Variants in MAP3K20 observed in about 807,000 individuals in gnomAD.
MAP3K20 encodes HCCS-4.
Under a neutral mutation model 85.7 loss-of-function variants are expected in MAP3K20, and 40 were observed. That is an observed-to-expected ratio of 0.47 (90% confidence interval 0.36 to 0.61). MAP3K20 has a LOEUF of 0.61. Ranked by LOEUF, MAP3K20 falls within the 20% of genes least tolerant of loss-of-function variation. MAP3K20 has a pLI of 0.00. For synonymous variants in MAP3K20, 325 were observed against 327.7 expected (o/e 0.99, Z 0.09); for missense variants, 817 against 961.7 (o/e 0.85, Z 1.99).
intron 7 of MAP3K20, among the ~76,000 whole-genome samples, chr2:173,196,986 C>T (rs1341297625): frequency 6.6e-6 from 1 of 151,738 alleles, no homozygotes; most frequent in African/African-American, 2.4e-5. Context: ...AAATAGTTAC[C>T]TCACCTATAA....
rs1275885564 is a variant in MAP3K20 at position 173,203,888 on chromosome 2, T to C, written c.744+18T>C. The C allele has an allele frequency of 3.1e-6, 5 of 1,608,334 alleles. No homozygotes were observed. The highest frequency in any genetic ancestry group is 4.3e-6 in the Non-Finnish European group (5 of 1,175,502). ...ATGCCAAGGTATACATATGTATTTT[T>C]GTTATTGTTTAGAATTCTGAAATTT... On this transcript the variant is annotated intron_variant, in intron 9 of 19. Coordinates refer to ENST00000375213, the MANE Select transcript of MAP3K20 (RefSeq NM_016653.3).
chr2:173,109,744 G>A (rs1051151249), intron 2 of MAP3K20, among the ~76,000 whole-genome samples: 1 of 152,056 alleles, frequency 6.6e-6, no homozygotes, highest in African/African-American at 2.4e-5. Flanking sequence ...AGGTAGAAGG[G>A]CCCGCTATTT....
At chr2:173,237,167 T>C (rs925158703) in intron 14 of MAP3K20, among the ~76,000 whole-genome samples, 1 of 151,788 alleles carries the variant, frequency 6.6e-6, no homozygotes, top group Non-Finnish European at 1.5e-5. Flanking sequence ...GCTGGAATTA[T>C]AGGCGCAGGC....
chr2:173,157,791 A>G (rs1004957581), intron 2 of MAP3K20, among the ~76,000 whole-genome samples: 1 of 152,188 alleles, frequency 6.6e-6, no homozygotes, highest in Non-Finnish European at 1.5e-5. Context: ...AGGGAGTTAG[A>G]TCTTGGTTCT....
At chr2:173,219,074 T>C (rs1684159611) in intron 11 of MAP3K20, among the ~76,000 whole-genome samples, 1 of 152,242 alleles carries the variant, frequency 6.6e-6, no homozygotes, top group African/African-American at 2.4e-5. Context: ...AGAGCTGGTA[T>C]TTCTGAAGGA....
At position 173,191,027 on chromosome 2, in the gene MAP3K20, C is replaced by G; in HGVS notation, c.445-13C>G. 6.2e-7 allele frequency: 1 copy of G among 1,613,128 alleles called. No individual in the cohort carries two copies. Among genetic ancestry groups the G allele is most frequent in the Non-Finnish European group, 8.5e-7 (1 of 1,179,686 alleles). On this transcript the variant is annotated splice_polypyrimidine_tract_variant and intron_variant, in intron 6 of 19. Coordinates refer to ENST00000375213, the MANE Select transcript of MAP3K20 (RefSeq NM_016653.3). ...AATAAGTAGAAAGTTGACACTGATT[C>G]CTGTTTTCTCAGATCTGTGACTTTG...
chr2:173,110,434 T>G (rs1372814220), intron 2 of MAP3K20, among the ~76,000 whole-genome samples: 1 of 150,778 alleles, frequency 6.6e-6, no homozygotes, highest in Non-Finnish European at 1.5e-5. Flanking sequence ...AAAAAAATTT[T>G]TTTCCATAAG....
chr2:173,221,374 G>A (rs1353559243), intron 11 of MAP3K20: 3 of 1,613,946 alleles, frequency 1.9e-6, no homozygotes, highest in Non-Finnish European at 2.5e-6. Flanking sequence ...AGATAAACAT[G>A]CAAGCCAAGC....
intron 11 of MAP3K20, among the ~76,000 whole-genome samples, chr2:173,218,756 A>G (rs1205147255): frequency 5.3e-5 from 8 of 152,258 alleles, no homozygotes; most frequent in Non-Finnish European, 1.2e-4. Context: ...TATATGCTTC[A>G]GAACCTTTCT....
chr2:173,136,722 C>A (rs1688809980), intron 2 of MAP3K20, among the ~76,000 whole-genome samples: 1 of 152,186 alleles, frequency 6.6e-6, no homozygotes, highest in Non-Finnish European at 1.5e-5. Context: ...TTTGAACACT[C>A]ACAATCAAAG....
intron 3 of MAP3K20, among the ~76,000 whole-genome samples, chr2:173,173,452 C>G (rs1161973322): frequency 1.3e-5 from 2 of 152,132 alleles, no homozygotes; most frequent in Admixed American, 1.3e-4. Flanking sequence ...GTTACCTGTT[C>G]TGCGTTAGCC....
chr2:173,094,932 C>G (rs1574007351), intron 2 of MAP3K20, among the ~76,000 whole-genome samples: 1 of 152,314 alleles, frequency 6.6e-6, no homozygotes, highest in East Asian at 1.9e-4. Context: ...CCTCAGCAAA[C>G]ATTTACTAAT....
intron 1 of MAP3K20, among the ~76,000 whole-genome samples, chr2:173,081,969 A>G (rs182833901): frequency 6.6e-6 from 1 of 151,856 alleles, no homozygotes; most frequent in Admixed American, 6.5e-5. Context: ...GTCACTCACT[A>G]CTAAAGAGGG....
chr2:173,193,226 T>C (rs1415799523), intron 7 of MAP3K20, among the ~76,000 whole-genome samples: 1 of 152,192 alleles, frequency 6.6e-6, no homozygotes, highest in South Asian at 2.1e-4. Context: ...TTGGTTATAG[T>C]TATTGTAGAC....
chr2:173,109,477 G>GT (rs1215953827), intron 2 of MAP3K20, among the ~76,000 whole-genome samples: 3,168 of 146,342 alleles, frequency 0.022, 46 homozygotes, highest in Middle Eastern at 0.029. Context: ...TATTATGGTG[G>GT]TTTTTTTTTT....
intron 2 of MAP3K20, among the ~76,000 whole-genome samples, chr2:173,129,995 GGAA>G (rs1688560536): frequency 6.6e-6 from 1 of 152,104 alleles, no homozygotes; most frequent in Non-Finnish European, 1.5e-5. Context: ...ATTTGTTTAA[GGAA>G]CCTCTAAAAT....
In MAP3K20 at chr2:173,226,515, G is replaced by A. The variant is rs1045399725; in HGVS notation, c.988-3174G>A. On this transcript the variant is annotated intron_variant, in intron 11 of 19. Coordinates refer to ENST00000375213, the MANE Select transcript of MAP3K20 (RefSeq NM_016653.3). ...ACATAAAAATCTATTCTCTCCTCTC[G>A]ATTGTAGCATAGCCTGACAGCTCTA... is the stretch of plus-strand genomic sequence containing the variant. The A allele has an allele frequency of 5.1e-6, 5 of 985,576 alleles. No individual in the cohort carries two copies. The African/African-American group carries it at 7.0e-5, about 14-fold the overall frequency. The allele number at this position is 985,576 out of a possible 1,614,324, so 61.1% of individuals were successfully genotyped here. A position where few individuals can be genotyped will look rare whatever the true frequency, so the allele number is the denominator to read the frequency against.
chr2:173,107,584 G>C (rs965443203), intron 2 of MAP3K20, among the ~76,000 whole-genome samples: 3 of 152,160 alleles, frequency 2.0e-5, no homozygotes, highest in African/African-American at 7.2e-5. Flanking sequence ...CTTCTGCCTT[G>C]CGCTGCAAAT....
Position 173,226,771 on chromosome 2 carries a change from T to C in MAP3K20, c.988-2918T>C, listed in dbSNP as rs1684400080. 5 of 985,632 alleles carry C rather than the reference T, an allele frequency of 5.1e-6. No homozygotes were observed. In the African/African-American group the frequency reaches 8.7e-5, roughly 17 times the overall value. The allele number at this position is 985,632 out of a possible 1,614,324, so 61.1% of individuals were successfully genotyped here. ...ATATGATACACTGCACATATTGCTT[T>C]TGCACTCTTAAAATTTTTGTACTAA... On this transcript the variant is annotated intron_variant, in intron 11 of 19. Transcript: ENST00000375213.
Sources: gnomAD v4.1 joint callset for allele counts (sites outside exome capture counted in the v4.1 genomes callset) on GRCh38, gnomAD v4.1.1 for gene constraint, MANE v1.5 for transcripts, NCBI Gene and HGNC (gene_info 2026-07-23, HGNC 2026-07-21) for gene names.